Variants in GRM5 observed in about 807,000 individuals in gnomAD.
The protein encoded by GRM5 is metabotropic glutamate receptor 5.
In GRM5, 19 loss-of-function variants were observed where a neutral mutation model predicts 83.1. The observed-to-expected ratio is 0.23, with a 90% CI of 0.16 to 0.34. The LOEUF is 0.34. Among genes scored for constraint, GRM5 ranks in the 10% least tolerant of loss-of-function variants. The pLI is 1.00. For synonymous variants in GRM5, 675 were observed against 633.6 expected (o/e 1.07, Z -0.98); for missense variants, 1,160 against 1,588.3 (o/e 0.73, Z 4.58).
chr11:88,614,371 T>C (rs938539494), intron 4 of GRM5, among the ~76,000 whole-genome samples: 4 of 152,168 alleles, frequency 2.6e-5, no homozygotes, highest in Non-Finnish European at 4.4e-5. Context: ...GCTTCCTAAG[T>C]AGTAACTGTG....
At chr11:88,981,185 G>A (rs1384597284) in intron 2 of GRM5, among the ~76,000 whole-genome samples, 1 of 152,062 alleles carries the variant, frequency 6.6e-6, no homozygotes, top group Non-Finnish European at 1.5e-5. Context: ...ATATATGCAC[G>A]TGTTTGTTCT....
intron 3 of GRM5, among the ~76,000 whole-genome samples, chr11:88,743,986 A>G (rs1942081278): frequency 6.6e-6 from 1 of 152,190 alleles, no homozygotes; most frequent in Non-Finnish European, 1.5e-5. Context: ...TATTGAAATG[A>G]TACAAAGGTT....
intron 3 of GRM5, among the ~76,000 whole-genome samples, chr11:88,694,608 C>T (rs1393660678): frequency 6.6e-6 from 1 of 150,494 alleles, no homozygotes; most frequent in Non-Finnish European, 1.5e-5. Flanking sequence ...TTAAACTGAA[C>T]CAAAAAATGA....
intron 3 of GRM5, among the ~76,000 whole-genome samples, chr11:88,755,511 C>A (rs1304249907): frequency 6.6e-6 from 1 of 152,062 alleles, no homozygotes. Flanking sequence ...CCTAGAAAAT[C>A]AGTATTTTCA....
chr11:88,622,324 A>G (rs1356780775), intron 4 of GRM5, among the ~76,000 whole-genome samples: 3 of 152,244 alleles, frequency 2.0e-5, no homozygotes, highest in Non-Finnish European at 2.9e-5. Flanking sequence ...GCTAAATGAC[A>G]TAAAGCTAAA....
At chr11:88,824,657 C>T (rs974459583) in intron 3 of GRM5, among the ~76,000 whole-genome samples, 3 of 152,164 alleles carry the variant, frequency 2.0e-5, no homozygotes, top group Admixed American at 6.5e-5. Flanking sequence ...GAATCTAATG[C>T]TACCACTGAT....
At chr11:88,668,738 G>A (rs1351263098) in intron 3 of GRM5, among the ~76,000 whole-genome samples, 1 of 152,146 alleles carries the variant, frequency 6.6e-6, no homozygotes, top group East Asian at 1.9e-4. Context: ...ATATTGCACA[G>A]CAGATCATTA....
intron 4 of GRM5, among the ~76,000 whole-genome samples, chr11:88,647,992 A>C (rs915243932): frequency 4.0e-5 from 6 of 150,916 alleles, no homozygotes; most frequent in Non-Finnish European, 8.9e-5. Flanking sequence ...ATCATTAAAA[A>C]GTCAGGAAAC....
At chr11:88,667,280 T>G (rs117960675) in intron 3 of GRM5, among the ~76,000 whole-genome samples, 1,536 of 152,132 alleles carry the variant, frequency 0.01, 16 homozygotes, top group East Asian at 0.068. Context: ...AGATAATTAG[T>G]TTTCCAGGGG....
At chr11:88,834,967 T>C (rs1286433230) in intron 3 of GRM5, among the ~76,000 whole-genome samples, 1 of 151,796 alleles carries the variant, frequency 6.6e-6, no homozygotes, top group Non-Finnish European at 1.5e-5. Context: ...TCTGCCTCTC[T>C]ATTACTGCCA....
chr11:89,017,959 C>A (rs1377203641), intron 2 of GRM5, among the ~76,000 whole-genome samples: 1 of 152,040 alleles, frequency 6.6e-6, no homozygotes, highest in Admixed American at 6.6e-5. Flanking sequence ...CCCTCCTACT[C>A]TTTCAGTTAT....
At chr11:88,539,888 C>T (rs1339806690) in intron 8 of GRM5, among the ~76,000 whole-genome samples, 1 of 152,192 alleles carries the variant, frequency 6.6e-6, no homozygotes, top group East Asian at 1.9e-4. Context: ...TATTCTCTTC[C>T]TTCATACCAA....
chr11:88,561,366 T>C (rs1006917618), intron 8 of GRM5, among the ~76,000 whole-genome samples: 1 of 152,164 alleles, frequency 6.6e-6, no homozygotes, highest in Non-Finnish European at 1.5e-5. Context: ...GCAACACTAA[T>C]GATTCTGCCC....
chr11:88,516,522 T>G (rs1198875927), intron 9 of GRM5, among the ~76,000 whole-genome samples: 1 of 152,186 alleles, frequency 6.6e-6, no homozygotes, highest in Non-Finnish European at 1.5e-5. Context: ...ATGTTTAGAA[T>G]GGTTGCTGGG....
chr11:88,708,485 G>A (rs1941210353), intron 3 of GRM5, among the ~76,000 whole-genome samples: 1 of 152,024 alleles, frequency 6.6e-6, no homozygotes, highest in Admixed American at 6.6e-5. Context: ...TATGAGTATT[G>A]TTTTCGAATT....
At chr11:88,723,452 T>A (rs953526155) in intron 3 of GRM5, among the ~76,000 whole-genome samples, 5 of 152,118 alleles carry the variant, frequency 3.3e-5, no homozygotes, top group Non-Finnish European at 7.4e-5. Context: ...TAGGAAACTG[T>A]TTGTTCGTTT....
chr11:88,962,914 C>G (rs1186956886), intron 2 of GRM5, among the ~76,000 whole-genome samples: 1 of 152,248 alleles, frequency 6.6e-6, no homozygotes, highest in East Asian at 1.9e-4. Context: ...CATGGTGAAA[C>G]CTCGTCTCTA....
intron 8 of GRM5, among the ~76,000 whole-genome samples, chr11:88,546,851 A>G (rs577859401): frequency 3.3e-5 from 5 of 152,280 alleles, no homozygotes; most frequent in African/African-American, 7.2e-5. Context: ...GAGGAGAAGC[A>G]TAAGGTTAAA....
rs923177181 is a variant in GRM5, at chr11:88,673,634, A to ATT, written c.912-20233_912-20232dup. On this transcript the variant is annotated intron_variant, in intron 3 of 9. Transcript: ENST00000305447. ...GCAATTGAGAAATTCATTTATTATAATTTTTTAGTCTGACAAAATTTCTTT... is the reference window on the plus strand; with the variant it reads ...GCAATTGAGAAATTCATTTATTATAATTTTTTTTAGTCTGACAAAATTTCTTT... Among the ~76,000 whole-genome samples the ATT allele has an allele frequency of 3.3e-5, 5 of 151,924 alleles. No individual in the cohort carries two copies. The East Asian group carries it at 9.7e-4, about 29-fold the overall frequency.
Sources: allele counts gnomAD v4.1 joint callset (sites outside exome capture counted in the v4.1 genomes callset), GRCh38; gene constraint gnomAD v4.1.1; transcripts MANE v1.5; gene names NCBI Gene and HGNC (gene_info 2026-07-23, HGNC 2026-07-21).